CDC42BPA: variants seen among roughly 807,000 people sequenced by gnomAD.
The protein encoded by CDC42BPA is CDC42 binding protein kinase alpha.
In CDC42BPA, 80 loss-of-function variants were observed where a neutral mutation model predicts 223.5. The ratio of observed to expected loss-of-function variants is 0.36; its 90% CI spans 0.30 to 0.43. The LOEUF is 0.43. CDC42BPA is among the 20% of genes least tolerant of loss of function. The pLI, the probability that CDC42BPA is intolerant of heterozygous loss-of-function variation, is 1.00. For synonymous variants in CDC42BPA, 694 were observed against 718.6 expected (o/e 0.97, Z 0.55); for missense variants, 1,743 against 2,099.9 (o/e 0.83, Z 3.32).
intron 5 of CDC42BPA, among the ~76,000 whole-genome samples, chr1:227,161,222 C>T (rs1246251523): frequency 6.6e-6 from 1 of 152,166 alleles, no homozygotes; most frequent in Non-Finnish European, 1.5e-5. Flanking sequence ...CAAATCTAAA[C>T]TATATCATAT....
intron 2 of CDC42BPA, among the ~76,000 whole-genome samples, chr1:227,240,278 C>G (rs1572571303): frequency 6.6e-6 from 1 of 151,792 alleles, no homozygotes; most frequent in African/African-American, 2.4e-5. Context: ...TAAGTTAGAC[C>G]TTCAAAAAAC....
At chr1:227,307,574 G>C (rs1692780390) in intron 1 of CDC42BPA, among the ~76,000 whole-genome samples, 1 of 152,066 alleles carries the variant, frequency 6.6e-6, no homozygotes, top group Admixed American at 6.5e-5. Flanking sequence ...AATGTGCTTT[G>C]TAATATCCAA....
chr1:227,205,925 T>C (rs933476709), intron 3 of CDC42BPA, among the ~76,000 whole-genome samples: 5 of 152,140 alleles, frequency 3.3e-5, no homozygotes. Context: ...GGCATGTGCC[T>C]GTAGTCCCAG....
rs559873960 is a variant in CDC42BPA at position 227,116,889 on chromosome 1, C to T, written c.1647+2915G>A. On this transcript the variant is annotated intron_variant, in intron 12 of 36. Transcript: ENST00000366766. ...ACCAAGGGGGCTTCCTTTGATGGAG[C>T]AGGAGACTCTGGGCTTATATTTCCA... Among the ~76,000 whole-genome samples, 8 of 152,144 alleles carry T rather than the reference C, an allele frequency of 5.3e-5. No homozygotes were observed. In the South Asian group the frequency reaches 1.5e-3, roughly 28 times the overall value.
rs1160528183 is a variant in CDC42BPA, at chr1:227,232,366, T to C, written c.271-19147A>G. ...CTCTGTTTTGGTACCAGTACCATGCTGTTTTGGTTACTGTAGCCTTGTGTA... is the reference window on the plus strand; with the variant it reads ...CTCTGTTTTGGTACCAGTACCATGCCGTTTTGGTTACTGTAGCCTTGTGTA... On this transcript the variant is annotated intron_variant, in intron 2 of 36. Transcript: ENST00000366766. Among the ~76,000 whole-genome samples the C allele has an allele frequency of 3.3e-5, 5 of 152,348 alleles. No individual in the cohort carries two copies. In the East Asian group the frequency reaches 7.7e-4, roughly 23 times the overall value.
rs1179808602 is a variant in CDC42BPA at position 227,034,737 on chromosome 1, C to A, written c.3394G>T (p.Asp1132Tyr). Reference sequence around the variant, plus strand: ...ATATCGTACAGAAAGAGTTTGAAGTCACACACTATAGCCAGTGCTCTCTGC... The same window carrying A: ...ATATCGTACAGAAAGAGTTTGAAGTAACACACTATAGCCAGTGCTCTCTGC... ...GWQRALAIVC[D>Y]FKLFLYDIAE... Residue 1132 changes from aspartate (D) to tyrosine (Y), a missense_variant, in exon 26 of 37, where the codon GAC becomes TAC. Transcript: ENST00000366766. 1.2e-6 allele frequency: 2 copies of A among 1,613,870 alleles called. No individual in the cohort carries two copies. Among genetic ancestry groups the A allele is most frequent in the South Asian group, 2.2e-5 (2 of 91,066 alleles).
chr1:227,292,094 T>TG (rs1391179381), intron 1 of CDC42BPA, among the ~76,000 whole-genome samples: 1 of 152,154 alleles, frequency 6.6e-6, no homozygotes, highest in East Asian at 1.9e-4. Flanking sequence ...GTGATTCTTC[T>TG]GCCTCAGCCT....
rs1491340125 is a variant in CDC42BPA, at chr1:227,268,668, A to ATATATATATGTATATATATATATATATG, written c.179-14514_179-14513insCATATATATATATATATACATATATATA. Among the ~76,000 whole-genome samples the ATATATATATGTATATATATATATATATG allele has an allele frequency of 2.8e-3, 404 of 144,046 alleles. 3 individuals are homozygous for ATATATATATGTATATATATATATATATG. Among genetic ancestry groups the ATATATATATGTATATATATATATATATG allele is most frequent in the African/African-American group, 8.9e-3 (336 of 37,940 alleles). The allele number at this position is 144,046 out of a possible 152,430, so 94.5% of individuals were successfully genotyped here. ...AGTGTGTGTGTATATATATATATAC[A>ATATATATATGTATATATATATATATATG]TATATATATATACACACACACACTT... On this transcript the variant is annotated intron_variant, in intron 1 of 36. Coordinates refer to ENST00000366766, the MANE Select transcript of CDC42BPA (RefSeq NM_001394014.1).
intron 5 of CDC42BPA, among the ~76,000 whole-genome samples, chr1:227,171,496 G>A (rs190419203): frequency 6.6e-6 from 1 of 152,162 alleles, no homozygotes; most frequent in East Asian, 1.9e-4. Flanking sequence ...CTGCGCTAGT[G>A]GTCCCAGCTA....
intron 11 of CDC42BPA, among the ~76,000 whole-genome samples, chr1:227,120,869 C>T (rs559352347): frequency 4.0e-4 from 61 of 152,242 alleles, no homozygotes; most frequent in African/African-American, 1.4e-3. Flanking sequence ...TTCCACAGCC[C>T]AGGAGTCCGG....
intron 34 of CDC42BPA, among the ~76,000 whole-genome samples, chr1:227,005,447 C>T (rs1043684004): frequency 2.0e-5 from 3 of 152,202 alleles, no homozygotes. Flanking sequence ...TTGCCGATAA[C>T]TGAAAGCTTT....
chr1:227,075,658 G>C (rs1193295351), intron 17 of CDC42BPA, among the ~76,000 whole-genome samples: 1 of 152,176 alleles, frequency 6.6e-6, no homozygotes, highest in East Asian at 1.9e-4. Context: ...ACAAGTGACT[G>C]TAATCTTTTC....
chr1:227,165,629 G>A (rs545206716), intron 5 of CDC42BPA, among the ~76,000 whole-genome samples: 1 of 152,224 alleles, frequency 6.6e-6, no homozygotes, highest in African/African-American at 2.4e-5. Context: ...AGTGATAAAA[G>A]TATAGTGAGA....
chr1:227,028,181 A>T (rs1668621433), intron 30 of CDC42BPA, among the ~76,000 whole-genome samples: 1 of 152,184 alleles, frequency 6.6e-6, no homozygotes, highest in Non-Finnish European at 1.5e-5. Context: ...AAGGGGTAAA[A>T]TAAGCAATTA....
chr1:227,041,876 T>C (rs931088699), intron 23 of CDC42BPA, among the ~76,000 whole-genome samples: 9 of 152,238 alleles, frequency 5.9e-5, no homozygotes, highest in Admixed American at 5.9e-4. Flanking sequence ...GTACAGACAC[T>C]GTACCAGTAC....
intron 2 of CDC42BPA, among the ~76,000 whole-genome samples, chr1:227,253,506 G>C (rs547451561): frequency 6.4e-5 from 7 of 109,686 alleles, no homozygotes; most frequent in African/African-American, 2.6e-4. Context: ...TGAAGCAGGA[G>C]AATCACTTGA....
intron 14 of CDC42BPA, among the ~76,000 whole-genome samples, chr1:227,105,723 T>C (rs925192754): frequency 4.6e-5 from 7 of 152,304 alleles, no homozygotes; most frequent in African/African-American, 1.7e-4. Flanking sequence ...GTGTCTGGCT[T>C]CTTTTACTTA....
At chr1:227,166,183 C>T (rs1404102203) in intron 5 of CDC42BPA, among the ~76,000 whole-genome samples, 1 of 152,196 alleles carries the variant, frequency 6.6e-6, no homozygotes, top group African/African-American at 2.4e-5. Context: ...CACATCCTTA[C>T]TCATTTTATT....
In CDC42BPA at chr1:227,257,989, G is replaced by A. The variant is rs150447397; in HGVS notation, c.179-3834C>T. Among the ~76,000 whole-genome samples, 821 of 150,520 alleles carry A rather than the reference G, an allele frequency of 5.5e-3. 10 individuals are homozygous for A. Among genetic ancestry groups the A allele is most frequent in the Non-Finnish European group, 8.3e-3 (564 of 67,954 alleles). On this transcript the variant is annotated intron_variant, in intron 1 of 36. Transcript: ENST00000366766. ...GTTCAAGACCAGCGTGGGCAACGTG[G>A]CAAAACTCTGTCTCTACAAAAATAC...
Sources: gnomAD v4.1 joint callset for allele counts (sites outside exome capture counted in the v4.1 genomes callset) on GRCh38, gnomAD v4.1.1 for gene constraint, MANE v1.5 for transcripts, NCBI Gene and HGNC (gene_info 2026-07-23, HGNC 2026-07-21) for gene names.